PTP4A3: variants seen among roughly 807,000 people sequenced by gnomAD.
PTP4A3 encodes protein tyrosine phosphatase 4A3.
PTP4A3 carries 9 observed loss-of-function variants against 15.2 expected under a neutral mutation model. The observed-to-expected ratio is 0.59, with a 90% CI of 0.36 to 1.03. The LOEUF (loss-of-function observed/expected upper bound fraction) is 1.03, where lower values mean the gene tolerates loss of function less well. PTP4A3 is among the 50% of genes least tolerant of loss of function. The pLI is 0.02. For synonymous variants in PTP4A3, 95 were observed against 102.0 expected, an observed-to-expected ratio of 0.93 and a Z score of 0.41; for missense variants, 234 against 252.1, an observed-to-expected ratio of 0.93 and a Z score of 0.49.
chr8:141,430,936 C>A lies in PTP4A3; in HGVS notation c.414C>A (p.Arg138=), dbSNP rs763431530. ...DAIQFIRQKR[R]GAINSKQLTY... is the part of the protein sequence containing the mutation. Reference sequence around the variant, plus strand: ...GTTCCCCTCTTCCCAGGAAGCGCCGCGGAGCCATCAACAGCAAGCAGCTCA... The same window carrying A: ...GTTCCCCTCTTCCCAGGAAGCGCCGAGGAGCCATCAACAGCAAGCAGCTCA... Residue 138 remains arginine (R), a synonymous_variant, in exon 6 of 6, where the codon CGC becomes CGA. Transcript: ENST00000521578. 3 of 1,613,076 alleles carry A rather than the reference C, an allele frequency of 1.9e-6. No individual in the cohort carries two copies. The highest frequency in any genetic ancestry group is 2.5e-6 in the Non-Finnish European group (3 of 1,179,962).
At chr8:141,398,254 G>T (rs1323707212) in intron 1 of PTP4A3, among the ~76,000 whole-genome samples, 3 of 152,218 alleles carry the variant, frequency 2.0e-5, no homozygotes, top group Admixed American at 6.5e-5. Flanking sequence ...TCTCTGCTCT[G>T]CACTTGCCAA....
chr8:141,430,567 C>G (rs753901050), intron 5 of PTP4A3, among the ~76,000 whole-genome samples: 6 of 152,208 alleles, frequency 3.9e-5, no homozygotes, highest in Non-Finnish European at 5.9e-5. Context: ...CCCTTACTCA[C>G]AGGCCCCCCT....
intron 1 of PTP4A3, among the ~76,000 whole-genome samples, chr8:141,408,736 C>T (rs762266458): frequency 1.1e-4 from 17 of 152,216 alleles, no homozygotes; most frequent in African/African-American, 1.4e-4. Flanking sequence ...CTCAGAAGTC[C>T]GTAAAATAGG....
At chr8:141,430,574 C>T (rs1244841702) in intron 5 of PTP4A3, among the ~76,000 whole-genome samples, 2 of 152,188 alleles carry the variant, frequency 1.3e-5, no homozygotes, top group African/African-American at 2.4e-5. Context: ...TCACAGGCCC[C>T]CCTTCCTGGA....
chr8:141,413,023 C>T (rs576129990), intron 1 of PTP4A3, among the ~76,000 whole-genome samples: 7 of 152,200 alleles, frequency 4.6e-5, no homozygotes, highest in Admixed American at 1.3e-4. Context: ...CAGCCTCCTC[C>T]GGCCAGCAGG....
intron 1 of PTP4A3, among the ~76,000 whole-genome samples, chr8:141,415,224 CGGCA>C (rs1832992566): frequency 6.6e-6 from 1 of 151,996 alleles, no homozygotes. Flanking sequence ...CCCTCCAGCG[CGGCA>C]AGGAACGGGC....
intron 1 of PTP4A3, among the ~76,000 whole-genome samples, chr8:141,413,284 G>C (rs1832917539): frequency 6.6e-6 from 1 of 152,234 alleles, no homozygotes; most frequent in Non-Finnish European, 1.5e-5. Context: ...CAGAGGCTGT[G>C]AGCTCCGAAT....
At chr8:141,410,764 A>G (rs950489013) in intron 1 of PTP4A3, among the ~76,000 whole-genome samples, 1 of 152,084 alleles carries the variant, frequency 6.6e-6, no homozygotes, top group African/African-American at 2.4e-5. Flanking sequence ...ACAGCTCACA[A>G]TGGGGAGCCA....
At chr8:141,421,047 C>A (rs966326428) in intron 1 of PTP4A3, among the ~76,000 whole-genome samples, 2 of 152,198 alleles carry the variant, frequency 1.3e-5, no homozygotes, top group Non-Finnish European at 2.9e-5. Context: ...TCTGTCCCCA[C>A]AGAGGGATCT....
chr8:141,422,572 AGGCCTGCAG>A (rs1833386278), intron 2 of PTP4A3, among the ~76,000 whole-genome samples: 4 of 151,546 alleles, frequency 2.6e-5, no homozygotes, highest in Middle Eastern at 3.4e-3. Context: ...GTCCCCTGGG[AGGCCTGCAG>A]GGGGCTGGCG....
At position 141,425,912 on chromosome 8, in the gene PTP4A3, C is replaced by A. The variant is rs776862444; in HGVS notation, c.198+772C>A. 6.6e-6 allele frequency among the ~76,000 whole-genome samples: 1 copy of A among 152,180 alleles called. No homozygotes were observed. The highest frequency in any genetic ancestry group is 1.5e-5 in the Non-Finnish European group (1 of 68,012). ...CCCGCCTCTGCCCTCCCCAGCCTTG[C>A]GACCCTGCAGGTCACTCCGAGCCTT... On this transcript the variant is annotated intron_variant, in intron 3 of 5. Coordinates refer to ENST00000521578, the MANE Select transcript of PTP4A3 (RefSeq NM_032611.3). This position sits in a 1 kb window ranked among gnomAD's most constrained non-coding sequence, Gnocchi z 4.2.
intron 1 of PTP4A3, among the ~76,000 whole-genome samples, chr8:141,415,793 G>T (rs1833028458): frequency 7.3e-6 from 1 of 137,224 alleles, no homozygotes; most frequent in Non-Finnish European, 1.6e-5. Context: ...GAGGGGATGG[G>T]ATGGCATGGG....
rs780423218 is a variant in PTP4A3, at chr8:141,430,992, G to T, written c.470G>T (p.Arg157Met). 1.2e-6 allele frequency: 2 copies of T among 1,613,378 alleles called. No homozygotes were observed. Among genetic ancestry groups the T allele is most frequent in the Non-Finnish European group, 1.7e-6 (2 of 1,179,988 alleles). The change falls in exon 6 of 6, where the codon AGG (arginine) becomes ATG (methionine). Residue 157 changes from arginine to methionine, a missense_variant. Coordinates refer to ENST00000521578, the MANE Select transcript of PTP4A3 (RefSeq NM_032611.3). ...TYLEKYRPKQ[R>M]LRFKDPHTHK... Reference sequence around the variant, plus strand: ...CTGGAGAAATACCGGCCCAAACAGAGGCTGCGGTTCAAAGACCCACACACG... The same window carrying T: ...CTGGAGAAATACCGGCCCAAACAGATGCTGCGGTTCAAAGACCCACACACG...
At chr8:141,426,667 C>G (rs1833590105) in intron 3 of PTP4A3, 1 of 985,198 alleles carries the variant, frequency 1.0e-6, no homozygotes. Context: ...GGAGCAGGCT[C>G]TATTCAGAAA....
At chr8:141,397,916 T>C (rs945141803) in intron 1 of PTP4A3, among the ~76,000 whole-genome samples, 8 of 152,164 alleles carry the variant, frequency 5.3e-5, no homozygotes, top group South Asian at 2.1e-4. Context: ...GCCTTTATCA[T>C]GTGTGAGCCT....
At position 141,406,005 on chromosome 8, in the gene PTP4A3, G is replaced by A. The variant is rs550943446; in HGVS notation, c.-854+13921G>A. 6.6e-6 allele frequency among the ~76,000 whole-genome samples: 1 copy of A among 152,148 alleles called. No individual in the cohort carries two copies. Among genetic ancestry groups the A allele is most frequent in the Non-Finnish European group, 1.5e-5 (1 of 68,018 alleles). On this transcript the variant is annotated intron_variant, in intron 1 of 5. Transcript: ENST00000521578. The surrounding 1 kb of genome is among the most constrained non-coding windows in gnomAD (Gnocchi z 4.5). ...GGTCAGAGGGCAGGGAGCAGCTCGC[G>A]TGGGGCCTTTAGGGCGATAAGGATT...
At chr8:141,412,410 G>A (rs560590645) in intron 1 of PTP4A3, among the ~76,000 whole-genome samples, 7 of 152,282 alleles carry the variant, frequency 4.6e-5, no homozygotes, top group South Asian at 2.1e-4. Context: ...TCCTGTTCCC[G>A]TGAAGGTGCT....
At chr8:141,411,312 A>G (rs1274508173) in intron 1 of PTP4A3, among the ~76,000 whole-genome samples, 4 of 152,240 alleles carry the variant, frequency 2.6e-5, no homozygotes, top group Non-Finnish European at 4.4e-5. Flanking sequence ...ATAGCACTGC[A>G]CGTGCTTTTT....
chr8:141,425,027 C>T lies in PTP4A3; in HGVS notation c.106-21C>T, dbSNP rs748954766. On this transcript the variant is annotated intron_variant, in intron 2 of 5. Coordinates refer to ENST00000521578, the MANE Select transcript of PTP4A3 (RefSeq NM_032611.3). This position sits in a 1 kb window ranked among gnomAD's most constrained non-coding sequence, Gnocchi z 4.2. ...CTGCAGCCCCAGCCCAGCCCTGCCT[C>T]CTCCGTCCTCCCACCCCCAGGACCT... The T allele has an allele frequency of 2.5e-6, 4 of 1,601,152 alleles. No homozygotes were observed. Among genetic ancestry groups the T allele is most frequent in the South Asian group, 1.1e-5 (1 of 90,702 alleles).
Sources: gnomAD v4.1 joint callset for allele counts (sites outside exome capture counted in the v4.1 genomes callset) on GRCh38, gnomAD v4.1.1 for gene constraint, Gnocchi (gnomAD v3.1) non-coding constraint, MANE v1.5 for transcripts, NCBI Gene and HGNC (gene_info 2026-07-23, HGNC 2026-07-21) for gene names.